TMTC2: variants seen among roughly 807,000 people sequenced by gnomAD.
TMTC2 encodes protein O-mannosyl-transferase TMTC2.
A neutral mutation model predicts 82.4 loss-of-function variants in TMTC2; 43 were observed. The observed-to-expected ratio is 0.52, with a 90% CI of 0.41 to 0.67. The LOEUF (loss-of-function observed/expected upper bound fraction) is 0.67. Among genes scored for constraint, TMTC2 ranks in the 30% least tolerant of loss-of-function variants. The pLI is 0.00. For synonymous variants in TMTC2, 408 were observed against 381.9 expected (o/e 1.07, Z -0.80); for missense variants, 919 against 1,012.4 (o/e 0.91, Z 1.25).
Position 82,754,284 on chromosome 12 carries a change from T to TA in TMTC2, c.83+66621dup, listed in dbSNP as rs551487890. Among the ~76,000 whole-genome samples, 260 of 152,288 alleles carry TA rather than the reference T, an allele frequency of 1.7e-3. 1 individual carries two copies. The highest frequency in any genetic ancestry group is 5.4e-3 in the African/African-American group (225 of 41,560). On this transcript the variant is annotated intron_variant, in intron 1 of 11. Transcript: ENST00000321196. Reference sequence around the variant, plus strand: ...CTGAGTTAAGAAAACTGTTATTTTTTAAAAAACAAAACAAAACACAAAGAA... The same window carrying TA: ...CTGAGTTAAGAAAACTGTTATTTTTTAAAAAAACAAAACAAAACACAAAGAA...
intron 3 of TMTC2, among the ~76,000 whole-genome samples, chr12:82,916,973 T>C (rs1948581086): frequency 1.3e-5 from 2 of 152,194 alleles, no homozygotes; most frequent in South Asian, 4.1e-4. Context: ...CTGTTTTATT[T>C]ACCTACTTAC....
intron 8 of TMTC2, among the ~76,000 whole-genome samples, chr12:82,995,961 T>G (rs1274651964): frequency 1.3e-5 from 2 of 152,212 alleles, no homozygotes; most frequent in African/African-American, 2.4e-5. Flanking sequence ...TTTAGCTTTT[T>G]GGTTATTATG....
intron 8 of TMTC2, among the ~76,000 whole-genome samples, chr12:83,014,915 G>A (rs1880608049): frequency 1.3e-5 from 2 of 152,024 alleles, no homozygotes; most frequent in Non-Finnish European, 2.9e-5. Context: ...TGCTATCTTT[G>A]TCACAGTCTC....
chr12:82,846,633 C>T (rs1022281597), intron 1 of TMTC2, among the ~76,000 whole-genome samples: 2 of 151,992 alleles, frequency 1.3e-5, no homozygotes, highest in Non-Finnish European at 2.9e-5. Flanking sequence ...GGGATGGAAG[C>T]GGGATCCACT....
intron 2 of TMTC2, among the ~76,000 whole-genome samples, chr12:82,869,086 C>T (rs1438057976): frequency 6.6e-6 from 1 of 152,076 alleles, no homozygotes; most frequent in Non-Finnish European, 1.5e-5. Flanking sequence ...AAATTCAATA[C>T]ATAAAAATAT....
intron 4 of TMTC2, among the ~76,000 whole-genome samples, chr12:82,953,696 G>A (rs996490710): frequency 2.0e-5 from 3 of 152,110 alleles, no homozygotes; most frequent in South Asian, 2.1e-4. Flanking sequence ...AGCTAAATAA[G>A]CAAATTTGAT....
chr12:82,947,255 T>A (rs1877057787), intron 4 of TMTC2, among the ~76,000 whole-genome samples: 1 of 152,202 alleles, frequency 6.6e-6, no homozygotes, highest in African/African-American at 2.4e-5. Context: ...CCAACTTTAG[T>A]GTTAGGTGCA....
intron 10 of TMTC2, among the ~76,000 whole-genome samples, chr12:83,056,038 A>G (rs528535577): frequency 3.8e-4 from 58 of 151,978 alleles, no homozygotes; most frequent in Non-Finnish European, 7.2e-4. Context: ...GATGGCTTAC[A>G]TGCTATGATT....
At chr12:82,777,154 A>C (rs1183833455) in intron 1 of TMTC2, among the ~76,000 whole-genome samples, 6 of 152,112 alleles carry the variant, frequency 3.9e-5, no homozygotes, top group African/African-American at 1.4e-4. Flanking sequence ...TGTTAGTTGT[A>C]GTATGTTATA....
intron 11 of TMTC2, among the ~76,000 whole-genome samples, chr12:83,115,119 A>G (rs1884712262): frequency 5.3e-5 from 8 of 152,134 alleles, no homozygotes; most frequent in Admixed American, 5.2e-4. Flanking sequence ...TGTATTATGT[A>G]TTTTTAAACT....
chr12:83,014,415 A>C (rs553684504), intron 8 of TMTC2, among the ~76,000 whole-genome samples: 1 of 151,930 alleles, frequency 6.6e-6, no homozygotes, highest in Admixed American at 6.6e-5. Context: ...ATCTCAGCTC[A>C]TGCAACCTCC....
chr12:82,794,129 T>C (rs1004342316), intron 1 of TMTC2, among the ~76,000 whole-genome samples: 4 of 152,106 alleles, frequency 2.6e-5, no homozygotes, highest in African/African-American at 9.7e-5. Flanking sequence ...AGAGGGCACA[T>C]GTGACTTGGT....
chr12:82,772,459 C>T (rs986257126), intron 1 of TMTC2, among the ~76,000 whole-genome samples: 9 of 152,070 alleles, frequency 5.9e-5, no homozygotes, highest in African/African-American at 2.2e-4. Context: ...TTTTATAATT[C>T]TATCTTCACT....
At chr12:82,970,424 C>G (rs895133438) in intron 7 of TMTC2, among the ~76,000 whole-genome samples, 1 of 151,936 alleles carries the variant, frequency 6.6e-6, no homozygotes, top group African/African-American at 2.4e-5. Context: ...CTCCGCTTCC[C>G]GGGTTCACGC....
chr12:82,988,087 G>A (rs1879242869), intron 8 of TMTC2, among the ~76,000 whole-genome samples: 2 of 152,124 alleles, frequency 1.3e-5, no homozygotes, highest in African/African-American at 4.8e-5. Context: ...TAAAAGTACT[G>A]GGCAAAGAAA....
chr12:82,990,761 A>G (rs915233030), intron 8 of TMTC2, among the ~76,000 whole-genome samples: 9 of 151,984 alleles, frequency 5.9e-5, no homozygotes, highest in African/African-American at 1.9e-4. Context: ...CTTTTCCTTT[A>G]TAAGTTATTT....
At chr12:83,020,169 T>G (rs1049751299) in intron 8 of TMTC2, among the ~76,000 whole-genome samples, 8 of 152,214 alleles carry the variant, frequency 5.3e-5, no homozygotes, top group Non-Finnish European at 8.8e-5. Flanking sequence ...ATTGTGTTTG[T>G]CATACTCTTA....
intron 11 of TMTC2, among the ~76,000 whole-genome samples, chr12:83,072,468 G>A (rs909164548): frequency 1.3e-5 from 2 of 152,120 alleles, no homozygotes; most frequent in African/African-American, 4.8e-5. Flanking sequence ...TGAATAGAAT[G>A]TGTATTCTAC....
At chr12:83,000,967 T>C (rs1879892604) in intron 8 of TMTC2, among the ~76,000 whole-genome samples, 1 of 152,152 alleles carries the variant, frequency 6.6e-6, no homozygotes, top group African/African-American at 2.4e-5. Flanking sequence ...TGGCTCATTT[T>C]AGTCATGGCT....
Sources: gnomAD v4.1 joint callset for allele counts (sites outside exome capture counted in the v4.1 genomes callset) on GRCh38, gnomAD v4.1.1 for gene constraint, MANE v1.5 for transcripts, NCBI Gene and HGNC (gene_info 2026-07-23, HGNC 2026-07-21) for gene names.